Variants in KIF1A observed in about 807,000 individuals in gnomAD.
The protein encoded by KIF1A is kinesin family member 1A.
Under a neutral mutation model 227.3 loss-of-function variants are expected in KIF1A, and 46 were observed. The ratio of observed to expected loss-of-function variants is 0.20; its 90% CI spans 0.16 to 0.26. The LOEUF is 0.26. Ranked by LOEUF, KIF1A falls within the 10% of genes least tolerant of loss-of-function variation. The pLI is 1.00. For missense variants in KIF1A, 1,683 were observed against 2,485.9 expected (o/e 0.68, Z 6.87); for synonymous variants, 1,022 against 1,012.8 (o/e 1.01, Z -0.17).
rs2044565777 is a variant in KIF1A at position 240,716,037 on chromosome 2, C to A, written c.*1327G>T. On this transcript the variant is annotated 3_prime_UTR_variant, in exon 49 of 49. Coordinates refer to ENST00000498729, the MANE Select transcript of KIF1A (RefSeq NM_001244008.2). ...CCAGACTCTCAGCTTGGGGCTGACCCCCGTCCTGTCCTGGGTGGCCCTCGG... is the reference window on the plus strand; with the variant it reads ...CCAGACTCTCAGCTTGGGGCTGACCACCGTCCTGTCCTGGGTGGCCCTCGG... 6.6e-6 allele frequency: 1 copy of A among 152,264 alleles called. No individual in the cohort carries two copies. The highest frequency in any genetic ancestry group is 1.5e-5 in the Non-Finnish European group (1 of 68,072). The allele number at this position is 152,264 out of a possible 1,614,324, so 9.4% of individuals were successfully genotyped here. A position where few individuals can be genotyped will look rare whatever the true frequency, so the allele number is the denominator to read the frequency against.
chr2:240,785,838 C>G (rs1041511755), intron 6 of KIF1A, among the ~76,000 whole-genome samples: 6 of 152,226 alleles, frequency 3.9e-5, no homozygotes, highest in Non-Finnish European at 7.4e-5. Context: ...ACCTCACCCT[C>G]AGGAAGTCCC....
chr2:240,721,968 C>A (rs1049542318), intron 43 of KIF1A, 84 bp from the exon 44 acceptor site: 12 of 1,139,242 alleles, frequency 1.1e-5, no homozygotes, highest in African/African-American at 1.5e-5. Flanking sequence ...CTACCCACCC[C>A]TCCCCAGACA....
intron 27 of KIF1A, among the ~76,000 whole-genome samples, chr2:240,756,425 T>C (rs1191160633): frequency 6.6e-6 from 1 of 152,224 alleles, no homozygotes; most frequent in African/African-American, 2.4e-5. Flanking sequence ...GGCAGCTGGA[T>C]TTGCCAAATC....
At chr2:240,744,907 C>G (rs949668585) in intron 32 of KIF1A, among the ~76,000 whole-genome samples, 2 of 152,196 alleles carry the variant, frequency 1.3e-5, no homozygotes, top group African/African-American at 4.8e-5. Context: ...GGCACTCTTT[C>G]CCCTGCTGCC....
chr2:240,753,360 C>G lies in KIF1A; in HGVS notation c.2859-2813G>C, dbSNP rs534448689. 2.0e-3 allele frequency among the ~76,000 whole-genome samples: 309 copies of G among 152,322 alleles called. 1 individual carries two copies. Among genetic ancestry groups the G allele is most frequent in the Non-Finnish European group, 3.6e-3 (246 of 68,026 alleles). On this transcript the variant is annotated intron_variant, in intron 27 of 48. Coordinates refer to ENST00000498729, the MANE Select transcript of KIF1A (RefSeq NM_001244008.2). ...GTAGCAGGCAGGCCCCATCCTGGCT[C>G]TCTCCACAAGGGCTCCCTGCTGAAC...
At chr2:240,786,732 G>GCCACCATCAGGACCC (rs1559529774) in intron 5 of KIF1A, among the ~76,000 whole-genome samples, 1 of 142,792 alleles carries the variant, frequency 7.0e-6, no homozygotes, top group Non-Finnish European at 1.5e-5. Flanking sequence ...GGGGGTGGGG[G>GCCACCATCAGGACCC]CTGCCTGCTG....
chr2:240,722,659 T>G lies in KIF1A; in HGVS notation c.4465-3A>C, dbSNP rs1379593639. ...AGGTAGTGCCTAGTCTTCTCCACCT[T>G]CAGACAGGACACAAGGCCTTACCTG... On this transcript the variant is annotated splice_polypyrimidine_tract_variant and splice_region_variant and intron_variant, in intron 42 of 48. Coordinates refer to ENST00000498729, the MANE Select transcript of KIF1A (RefSeq NM_001244008.2). The G allele has an allele frequency of 6.6e-7, 1 of 1,518,716 alleles. No homozygotes were observed. The highest frequency in any genetic ancestry group is 2.1e-5 in the Admixed American group (1 of 47,748). 94.1% of individuals were successfully genotyped at this position (1,518,716 alleles called of 1,614,324 possible).
chr2:240,818,143 C>A (rs1475358815), intron 1 of KIF1A, among the ~76,000 whole-genome samples: 1 of 152,088 alleles, frequency 6.6e-6, no homozygotes, highest in Non-Finnish European at 1.5e-5. Context: ...CCTCCCTGGG[C>A]CCGGCCCGGG....
intron 12 of KIF1A, 125 bp downstream of exon 12, chr2:240,774,058 G>T: frequency 1.7e-6 from 1 of 583,092 alleles, no homozygotes. Flanking sequence ...GCCTCACAGA[G>T]TCCAGGGTAT....
intron 25 of KIF1A, among the ~76,000 whole-genome samples, chr2:240,760,019 A>C (rs1415553601): frequency 6.6e-6 from 1 of 150,578 alleles, no homozygotes; most frequent in African/African-American, 2.5e-5. Flanking sequence ...CTGTCTCTTA[A>C]AGAAAAAAAA....
intron 10 of KIF1A, chr2:240,781,869 C>T: frequency 2.0e-6 from 2 of 985,414 alleles, no homozygotes; most frequent in Non-Finnish European, 2.4e-6. Context: ...TTCCTGCAGC[C>T]CCACGTGTTC....
chr2:240,809,756 C>T (rs764946924), intron 1 of KIF1A, among the ~76,000 whole-genome samples: 2 of 150,256 alleles, frequency 1.3e-5, no homozygotes, highest in Non-Finnish European at 2.9e-5. Flanking sequence ...GCAACCTCTG[C>T]CACCAGGATT....
At chr2:240,729,578 A>G (rs1257073584) in intron 38 of KIF1A, among the ~76,000 whole-genome samples, 3 of 152,208 alleles carry the variant, frequency 2.0e-5, no homozygotes, top group Non-Finnish European at 4.4e-5. Context: ...GCTGCTCCTT[A>G]GGAGCAAGTG....
In KIF1A at chr2:240,772,757, G is replaced by A. The variant is rs550336488; in HGVS notation, c.1181-161C>T. ...AGGTCTTCAGCTCCAGAACGCGGGG[G>A]ACCTCGGTGACCCCAGCACCCACAG... is the stretch of plus-strand genomic sequence containing the variant. On this transcript the variant is annotated intron_variant, in intron 13 of 48. Coordinates refer to ENST00000498729, the MANE Select transcript of KIF1A (RefSeq NM_001244008.2). Among the ~76,000 whole-genome samples, 3 of 152,176 alleles carry A rather than the reference G, an allele frequency of 2.0e-5. No homozygotes were observed. In the South Asian group the frequency reaches 6.2e-4, roughly 32 times the overall value.
intron 27 of KIF1A, among the ~76,000 whole-genome samples, chr2:240,753,721 A>G (rs1050896299): frequency 6.6e-5 from 10 of 152,080 alleles, no homozygotes; most frequent in African/African-American, 2.4e-4. Flanking sequence ...TCTCAACTCA[A>G]CCAGCTGCAC....
chr2:240,748,242 A>G (rs1421504736), intron 28 of KIF1A, among the ~76,000 whole-genome samples: 1 of 152,124 alleles, frequency 6.6e-6, no homozygotes, highest in Non-Finnish European at 1.5e-5. Context: ...CACCTTCCTA[A>G]CTGGCGACAC....
intron 37 of KIF1A, among the ~76,000 whole-genome samples, chr2:240,738,199 C>T (rs1055778455): frequency 2.6e-5 from 4 of 152,214 alleles, no homozygotes; most frequent in African/African-American, 4.8e-5. Context: ...CAGTGTTTAG[C>T]CTGCTCTGCG....
At chr2:240,750,631 C>G in intron 27 of KIF1A, 84 bp from the exon 28 acceptor site, 1 of 983,228 alleles carries the variant, frequency 1.0e-6, no homozygotes. Context: ...GCCTGGCTCA[C>G]GACACAACAT....
intron 27 of KIF1A, among the ~76,000 whole-genome samples, chr2:240,754,913 C>T (rs1026153840): frequency 1.3e-5 from 2 of 152,156 alleles, no homozygotes; most frequent in Non-Finnish European, 2.9e-5. Flanking sequence ...GTGAAGCCCT[C>T]GAGCTGGAGC....
Sources: gnomAD v4.1 joint callset for allele counts (sites outside exome capture counted in the v4.1 genomes callset) on GRCh38, gnomAD v4.1.1 for gene constraint, MANE v1.5 for transcripts, NCBI Gene and HGNC (gene_info 2026-07-23, HGNC 2026-07-21) for gene names.